Variants in GDPD5 observed in about 807,000 individuals in gnomAD.
GDPD5 encodes the protein glycerophosphodiester phosphodiesterase 2.
A neutral mutation model predicts 75.1 loss-of-function variants in GDPD5; 48 were observed. The ratio of observed to expected loss-of-function variants is 0.64; its 90% CI spans 0.51 to 0.81. GDPD5 has a LOEUF of 0.81. Ranked by LOEUF, GDPD5 falls within the 40% of genes least tolerant of loss-of-function variation. The pLI, the probability that GDPD5 is intolerant of heterozygous loss-of-function variation, is 0.00. For missense variants in GDPD5, 706 were observed against 822.6 expected, an observed-to-expected ratio of 0.86 and a Z score of 1.73; for synonymous variants, 336 against 339.0, an observed-to-expected ratio of 0.99 and a Z score of 0.10.
chr11:75,518,738 G>A (rs1259133877), intron 1 of GDPD5, among the ~76,000 whole-genome samples: 1 of 152,168 alleles, frequency 6.6e-6, no homozygotes, highest in Non-Finnish European at 1.5e-5. Flanking sequence ...AATCGAGGCA[G>A]CATGAGGGGT....
intron 1 of GDPD5, among the ~76,000 whole-genome samples, chr11:75,492,656 G>A (rs948638786): frequency 6.6e-6 from 1 of 152,210 alleles, no homozygotes; most frequent in Non-Finnish European, 1.5e-5. Context: ...CTCATTCATA[G>A]GATCATGGAC....
intron 3 of GDPD5, among the ~76,000 whole-genome samples, chr11:75,467,257 C>T (rs1949536889): frequency 6.6e-6 from 1 of 152,244 alleles, no homozygotes; most frequent in Non-Finnish European, 1.5e-5. Flanking sequence ...ATGGGAATAA[C>T]AGCCCTTCCC....
rs752408389 is a variant in GDPD5 at position 75,439,907 on chromosome 11, G to C, written c.1528C>G (p.Leu510Val). ...TGGAGCACGAAGATGCCCACGATGA[G>C]GGTGAAGGAGACCAGGTCGGCAGTG... ...WVTADLVSFT[L>V]IVGIFVLQKW... is the part of the protein sequence containing the mutation. Residue 510 changes from leucine (L) to valine (V), a missense_variant, in exon 15 of 17, where the codon CTC becomes GTC. Physicochemically the swap from Leu to Val is conservative, Grantham distance 32 (BLOSUM62 1). Transcript: ENST00000336898. 3 of 1,613,848 alleles carry C rather than the reference G, an allele frequency of 1.9e-6. No homozygotes were observed. Among genetic ancestry groups the C allele is most frequent in the African/African-American group, 2.7e-5 (2 of 74,932 alleles).
intron 1 of GDPD5, among the ~76,000 whole-genome samples, chr11:75,523,747 G>T (rs1557472): frequency 0.94 from 142,795 of 152,292 alleles, 67,189 homozygotes; most frequent in Middle Eastern, 0.98. Context: ...AGGATTTGAA[G>T]CCCCAGACAG....
intron 1 of GDPD5, among the ~76,000 whole-genome samples, chr11:75,494,533 C>T (rs926890896): frequency 1.2e-4 from 18 of 152,066 alleles, no homozygotes; most frequent in African/African-American, 4.3e-4. Flanking sequence ...TTTAGTTATT[C>T]CATAAAATCT....
At chr11:75,521,562 T>C (rs1790305) in intron 1 of GDPD5, among the ~76,000 whole-genome samples, 112,761 of 152,138 alleles carry the variant, frequency 0.74, 44,038 homozygotes, top group Middle Eastern at 0.86. Flanking sequence ...AGATATCAGC[T>C]GTTGTTGATA....
At chr11:75,505,944 C>G (rs1950388978) in intron 1 of GDPD5, among the ~76,000 whole-genome samples, 1 of 152,222 alleles carries the variant, frequency 6.6e-6, no homozygotes, top group South Asian at 2.1e-4. Context: ...CCTCTTTCCC[C>G]TGGCTCTCAG....
Position 75,525,262 on chromosome 11 carries a change from T to A in GDPD5, c.-197A>T, listed in dbSNP as rs1241420966. 1 of 152,296 alleles carries A rather than the reference T, an allele frequency of 6.6e-6. No homozygotes were observed. Among genetic ancestry groups the A allele is most frequent in the Non-Finnish European group, 1.5e-5 (1 of 68,148 alleles). 9.4% of individuals were successfully genotyped at this position (152,296 alleles called of 1,614,324 possible). A position where few individuals can be genotyped will look rare whatever the true frequency, so the allele number is the denominator to read the frequency against. ...GGGACAGAAGGGGACCCCTGTGTTATCTTCGGGGCAGGCGCTGAACCCCTC... is the reference window on the plus strand; with the variant it reads ...GGGACAGAAGGGGACCCCTGTGTTAACTTCGGGGCAGGCGCTGAACCCCTC... On this transcript the variant is annotated 5_prime_UTR_variant, in exon 1 of 17. Transcript: ENST00000336898.
At chr11:75,503,668 A>G (rs1736698300) in intron 1 of GDPD5, among the ~76,000 whole-genome samples, 1 of 152,262 alleles carries the variant, frequency 6.6e-6, no homozygotes, top group Admixed American at 6.5e-5. Flanking sequence ...GAGCAAAAGC[A>G]GAGTGAGCTC....
At chr11:75,488,590 C>G (rs1408598097) in intron 2 of GDPD5, among the ~76,000 whole-genome samples, 5 of 152,178 alleles carry the variant, frequency 3.3e-5, no homozygotes, top group African/African-American at 1.2e-4. Flanking sequence ...TTTCCCACCT[C>G]CATGCCTTCA....
chr11:75,439,412 G>A lies in GDPD5; in HGVS notation c.1556+467C>T, dbSNP rs138772582. The stretch of plus-strand genomic sequence containing the variant: ...GGAGGGGGAGAGAGGAGGGACATGC[G>A]CCGATCAGAGCAGGATGGGACAGAG... On this transcript the variant is annotated intron_variant, in intron 15 of 16. Coordinates refer to ENST00000336898, the MANE Select transcript of GDPD5 (RefSeq NM_030792.8). 2.1e-4 allele frequency: 97 copies of A among 454,658 alleles called. 1 individual carries two copies. Among genetic ancestry groups the A allele is most frequent in the East Asian group, 1.2e-3 (17 of 14,398 alleles). The allele number at this position is 454,658 out of a possible 1,614,324, so 28.2% of individuals were successfully genotyped here.
At chr11:75,453,233 T>C (rs1949209841) in intron 6 of GDPD5, among the ~76,000 whole-genome samples, 1 of 152,068 alleles carries the variant, frequency 6.6e-6, no homozygotes, top group Admixed American at 6.6e-5. Flanking sequence ...CCCAGCCTGC[T>C]GTGAATGGCT....
chr11:75,502,204 C>A (rs1268900299), intron 1 of GDPD5, among the ~76,000 whole-genome samples: 3 of 152,222 alleles, frequency 2.0e-5, no homozygotes, highest in Non-Finnish European at 4.4e-5. Context: ...GGCAGCCCTG[C>A]CACCTGGAGC....
At chr11:75,479,734 C>CG (rs1949863744) in intron 2 of GDPD5, among the ~76,000 whole-genome samples, 1 of 152,094 alleles carries the variant, frequency 6.6e-6, no homozygotes, top group African/African-American at 2.4e-5. Flanking sequence ...CTGGCCCTGG[C>CG]AACTGCTCAT....
At chr11:75,496,779 C>CTTTTTTTTTTTTTTTTTTT (rs544914858) in intron 1 of GDPD5, among the ~76,000 whole-genome samples, 2 of 103,114 alleles carry the variant, frequency 1.9e-5, no homozygotes, top group African/African-American at 3.6e-5. Context: ...TTCTTTCTTT[C>CTTTTTTTTTTTTTTTTTTT]TTTTTTTTTT....
chr11:75,524,563 C>T (rs1264773348), intron 1 of GDPD5, among the ~76,000 whole-genome samples: 1 of 152,222 alleles, frequency 6.6e-6, no homozygotes, highest in Non-Finnish European at 1.5e-5. Context: ...CCCAGAGGGG[C>T]TACATCTCCA....
intron 8 of GDPD5, 97 bp from the exon 9 acceptor site, chr11:75,449,219 G>A: frequency 7.1e-7 from 1 of 1,404,588 alleles, no homozygotes; most frequent in South Asian, 1.3e-5. Context: ...GGATCCAGGT[G>A]CTCTAGGGGG....
chr11:75,495,256 G>C (rs902793483), intron 1 of GDPD5, among the ~76,000 whole-genome samples: 2 of 117,068 alleles, frequency 1.7e-5, no homozygotes, highest in Non-Finnish European at 1.9e-5. Flanking sequence ...TGACAGAGCT[G>C]TCACTCTGTC....
chr11:75,521,488 G>A (rs1285834758), intron 1 of GDPD5, among the ~76,000 whole-genome samples: 1 of 152,220 alleles, frequency 6.6e-6, no homozygotes, highest in East Asian at 1.9e-4. Context: ...ACCTCAGGGA[G>A]TTTGTGTGAA....
Sources: gnomAD v4.1 joint callset for allele counts (sites outside exome capture counted in the v4.1 genomes callset) on GRCh38, gnomAD v4.1.1 for gene constraint, MANE v1.5 for transcripts, NCBI Gene and HGNC (gene_info 2026-07-23, HGNC 2026-07-21) for gene names.